SSBP2: variants seen among roughly 807,000 people sequenced by gnomAD.
The protein encoded by SSBP2 is single-stranded DNA-binding protein 2.
A neutral mutation model predicts 61.8 loss-of-function variants in SSBP2; 17 were observed. The ratio of observed to expected loss-of-function variants is 0.28; its 90% CI spans 0.19 to 0.41. The LOEUF (loss-of-function observed/expected upper bound fraction) is 0.41. Among genes scored for constraint, SSBP2 ranks in the 10% least tolerant of loss-of-function variants. SSBP2 has a pLI of 1.00. For missense variants in SSBP2, 310 were observed against 458.7 expected, an observed-to-expected ratio of 0.68 and a Z score of 2.96; for synonymous variants, 139 against 141.3, an observed-to-expected ratio of 0.98 and a Z score of 0.12.
intron 3 of SSBP2, among the ~76,000 whole-genome samples, chr5:81,618,022 G>A (rs1581179748): frequency 7.9e-6 from 1 of 126,638 alleles, no homozygotes; most frequent in African/African-American, 2.9e-5. Flanking sequence ...AGACCATCGA[G>A]ACTAGGAAGA....
chr5:81,603,039 A>T (rs1744529534), intron 4 of SSBP2, among the ~76,000 whole-genome samples: 1 of 152,104 alleles, frequency 6.6e-6, no homozygotes, highest in African/African-American at 2.4e-5. Context: ...CCCACTTCCA[A>T]TATTAAATTC....
chr5:81,500,999 A>C (rs1767667425), intron 5 of SSBP2, among the ~76,000 whole-genome samples: 1 of 150,246 alleles, frequency 6.7e-6, no homozygotes, highest in South Asian at 2.1e-4. Flanking sequence ...AGATCACCTG[A>C]GATCAGGAGT....
At chr5:81,499,500 GTGA>G (rs892612200) in intron 5 of SSBP2, among the ~76,000 whole-genome samples, 2 of 152,142 alleles carry the variant, frequency 1.3e-5, no homozygotes, top group Non-Finnish European at 2.9e-5. Context: ...CTAATAAACT[GTGA>G]ATGTTTTCAT....
rs557403964 is a variant in SSBP2, at chr5:81,436,429, A to G, written c.957+1001T>C. 2.3e-3 allele frequency among the ~76,000 whole-genome samples: 356 copies of G among 152,254 alleles called. 1 individual carries two copies. The highest frequency in any genetic ancestry group is 8.2e-3 in the African/African-American group (342 of 41,572). On this transcript the variant is annotated intron_variant, in intron 15 of 16. Coordinates refer to ENST00000320672, the MANE Select transcript of SSBP2 (RefSeq NM_012446.5). The stretch of plus-strand genomic sequence containing the variant: ...TAAACATGATTGTTTCTAAATATAG[A>G]CATCCAAAATACATGTGGAGCTTGT...
At position 81,650,254 on chromosome 5, in the gene SSBP2, A is replaced by G; in HGVS notation, c.135+13T>C. On this transcript the variant is annotated intron_variant, in intron 2 of 16. Coordinates refer to ENST00000320672, the MANE Select transcript of SSBP2 (RefSeq NM_012446.5). ...AAGATCAAAATGCAATACAGAAAAT[A>G]TATAAAACATACCTCTGATAAAAAT... The G allele has an allele frequency of 6.5e-7, 1 of 1,537,540 alleles. No individual in the cohort carries two copies. Among genetic ancestry groups the G allele is most frequent in the Non-Finnish European group, 8.8e-7 (1 of 1,131,868 alleles).
chr5:81,681,221 T>TA (rs1301141399), intron 1 of SSBP2, among the ~76,000 whole-genome samples: 5 of 151,886 alleles, frequency 3.3e-5, no homozygotes, highest in African/African-American at 1.2e-4. Context: ...TATTTTGAAC[T>TA]AAAAAAATGA....
chr5:81,749,104 G>A (rs1015578955), intron 1 of SSBP2, among the ~76,000 whole-genome samples: 2 of 152,116 alleles, frequency 1.3e-5, no homozygotes, highest in Non-Finnish European at 2.9e-5. Flanking sequence ...TCCTCCTTCA[G>A]ATGTTTTTAT....
chr5:81,637,598 G>T (rs929608737), intron 2 of SSBP2, among the ~76,000 whole-genome samples: 4 of 152,152 alleles, frequency 2.6e-5, no homozygotes, highest in Non-Finnish European at 2.9e-5. Context: ...GTGAAGTTGC[G>T]AAAGTTACTT....
At chr5:81,424,432 C>T (rs1475162322) in intron 16 of SSBP2, among the ~76,000 whole-genome samples, 1 of 151,252 alleles carries the variant, frequency 6.6e-6, no homozygotes, top group Non-Finnish European at 1.5e-5. Flanking sequence ...CTCAAAAATA[C>T]ATAAATAAAT....
chr5:81,643,021 A>T lies in SSBP2; in HGVS notation c.136-6403T>A, dbSNP rs111700194. 3.6e-3 allele frequency among the ~76,000 whole-genome samples: 541 copies of T among 152,264 alleles called. 8 individuals are homozygous for T. The highest frequency in any genetic ancestry group is 0.012 in the African/African-American group (514 of 41,548). On this transcript the variant is annotated intron_variant, in intron 2 of 16. Transcript: ENST00000320672. ...CCCACCCTTCTATACTCCATTCTAT[A>T]CTTGGGGCTGGGATTCTGAAAATCA... is the stretch of plus-strand genomic sequence containing the variant.
intron 5 of SSBP2, among the ~76,000 whole-genome samples, chr5:81,495,072 C>T: frequency 6.6e-6 from 1 of 152,090 alleles, no homozygotes; most frequent in East Asian, 1.9e-4. Flanking sequence ...GTTTCCCCTC[C>T]CCTTATTTTG....
At chr5:81,428,934 T>C (rs754830259) in intron 15 of SSBP2, among the ~76,000 whole-genome samples, 1 of 152,100 alleles carries the variant, frequency 6.6e-6, no homozygotes, top group Non-Finnish European at 1.5e-5. Context: ...AGCTTCAGAA[T>C]CAATATTTAT....
chr5:81,660,279 G>A (rs1750578503), intron 1 of SSBP2, among the ~76,000 whole-genome samples: 1 of 151,924 alleles, frequency 6.6e-6, no homozygotes, highest in South Asian at 2.1e-4. Context: ...ATCTGACAAA[G>A]GTCTACCAGA....
chr5:81,434,633 CAAAAAAAAA>C (rs34269591), intron 15 of SSBP2, among the ~76,000 whole-genome samples: 1 of 43,014 alleles, frequency 2.3e-5, no homozygotes, highest in African/African-American at 9.4e-5. Flanking sequence ...ACTCTTGACT[CAAAAAAAAA>C]AAAAAAAAAA....
At chr5:81,445,751 CAT>C (rs1170947761) in intron 12 of SSBP2, among the ~76,000 whole-genome samples, 17 of 152,220 alleles carry the variant, frequency 1.1e-4, no homozygotes, top group Admixed American at 3.9e-4. Context: ...CAGTTAAAAA[CAT>C]ATGAGTTTAA....
intron 4 of SSBP2, among the ~76,000 whole-genome samples, chr5:81,603,975 T>C (rs989138605): frequency 6.6e-6 from 1 of 152,082 alleles, no homozygotes; most frequent in Non-Finnish European, 1.5e-5. Flanking sequence ...TGAAAATAAT[T>C]GACCACATTG....
At chr5:81,687,947 G>A (rs56171371) in intron 1 of SSBP2, among the ~76,000 whole-genome samples, 3,670 of 152,274 alleles carry the variant, frequency 0.024, 159 homozygotes, top group African/African-American at 0.084. Context: ...TTGCTACAAG[G>A]AGGAACTCCT....
At chr5:81,615,446 A>T in intron 4 of SSBP2, 27 bp downstream of exon 4, 1 of 1,555,026 alleles carries the variant, frequency 6.4e-7, no homozygotes, top group Non-Finnish European at 8.9e-7. Flanking sequence ...TGACAGTGTA[A>T]CTTTGTAAAA....
chr5:81,550,899 A>G (rs1772126428), intron 4 of SSBP2, among the ~76,000 whole-genome samples: 1 of 152,140 alleles, frequency 6.6e-6, no homozygotes, highest in African/African-American at 2.4e-5. Flanking sequence ...GATCGAGACC[A>G]TCCTGGGTAA....
Sources: allele counts gnomAD v4.1 joint callset (sites outside exome capture counted in the v4.1 genomes callset), GRCh38; gene constraint gnomAD v4.1.1; transcripts MANE v1.5; gene names NCBI Gene and HGNC (gene_info 2026-07-23, HGNC 2026-07-21).